MCPH1: variants seen among roughly 807,000 people sequenced by gnomAD.
MCPH1 encodes microcephalin 1.
In MCPH1, 104 loss-of-function variants were observed where a neutral mutation model predicts 84.5. The ratio of observed to expected loss-of-function variants is 1.23; its 90% CI spans 1.05 to 1.45. MCPH1 has a LOEUF of 1.45. Ranked by LOEUF, MCPH1 falls within the 40% of genes most tolerant of loss-of-function variation. MCPH1 has a pLI of 0.00. For missense variants in MCPH1, 1,498 were observed against 1,005.7 expected (o/e 1.49, Z -6.62); for synonymous variants, 514 against 366.8 (o/e 1.40, Z -4.58).
intron 12 of MCPH1, among the ~76,000 whole-genome samples, chr8:6,581,293 G>C (rs1486250951): frequency 6.6e-6 from 1 of 152,108 alleles, no homozygotes; most frequent in Non-Finnish European, 1.5e-5. Context: ...CATCACCAAG[G>C]TCTGATTTTT....
chr8:6,420,222 C>G (rs765337438), intron 3 of MCPH1, among the ~76,000 whole-genome samples: 1 of 152,152 alleles, frequency 6.6e-6, no homozygotes, highest in Non-Finnish European at 1.5e-5. Flanking sequence ...TGCTCCCATT[C>G]AGACCCCTTC....
rs1048732602 is a variant in MCPH1, at chr8:6,414,704, G to C, written c.115-61G>C. On this transcript the variant is annotated intron_variant, in intron 2 of 13. Coordinates refer to ENST00000344683, the MANE Select transcript of MCPH1 (RefSeq NM_024596.5). ...TGCTGGGGTAGAGGTTTTTTGATCA[G>C]TTGTAGTTAAGTTGTGAATGAACAG... The C allele has an allele frequency of 1.6e-5, 26 of 1,587,684 alleles. No individual in the cohort carries two copies. The South Asian group carries it at 2.5e-4, about 15-fold the overall frequency.
intron 4 of MCPH1, among the ~76,000 whole-genome samples, chr8:6,435,722 T>C (rs1011867042): frequency 6.6e-6 from 1 of 152,164 alleles, no homozygotes; most frequent in African/African-American, 2.4e-5. Context: ...TTGAACTAGA[T>C]TGGGCTGGTT....
intron 12 of MCPH1, among the ~76,000 whole-genome samples, chr8:6,503,784 G>C (rs972545590): frequency 3.3e-5 from 5 of 152,328 alleles, no homozygotes; most frequent in Admixed American, 1.3e-4. Flanking sequence ...GAAATTTAAA[G>C]TGAGAGTGTG....
rs2515426 is a variant in MCPH1 at position 6,515,897 on chromosome 8, C to A, written c.2214+15968C>A. Among the ~76,000 whole-genome samples the A allele has an allele frequency of 2.5e-3, 382 of 152,226 alleles. 2 individuals carry two copies. The highest frequency in any genetic ancestry group is 3.0e-3 in the Non-Finnish European group (205 of 68,004). ...GAGCGAAAAGAGAACCAAGAGAGTGCTATTCCTGTTCTTTCATTTCCTACA... is the reference window on the plus strand; with the variant it reads ...GAGCGAAAAGAGAACCAAGAGAGTGATATTCCTGTTCTTTCATTTCCTACA... On this transcript the variant is annotated intron_variant, in intron 12 of 13. Coordinates refer to ENST00000344683, the MANE Select transcript of MCPH1 (RefSeq NM_024596.5).
At chr8:6,476,701 G>A (rs1372456682) in intron 9 of MCPH1, among the ~76,000 whole-genome samples, 1 of 152,092 alleles carries the variant, frequency 6.6e-6, no homozygotes, top group Admixed American at 6.5e-5. Context: ...CGTCAACCCT[G>A]GGGTCCTTCA....
In MCPH1 at chr8:6,551,877, A is replaced by G. The variant is rs574877575; in HGVS notation, c.2214+51948A>G. On this transcript the variant is annotated intron_variant, in intron 12 of 13. Transcript: ENST00000344683. The stretch of plus-strand genomic sequence containing the variant: ...TACACCAACATTTCCCATTAAGACC[A>G]GTTTGTTTAGGGAATTTTTAAGCTA... 2.0e-5 allele frequency among the ~76,000 whole-genome samples: 3 copies of G among 152,212 alleles called. No homozygotes were observed. In the East Asian group the frequency reaches 5.8e-4, roughly 29 times the overall value.
chr8:6,512,294 G>T (rs1023651730), intron 12 of MCPH1, among the ~76,000 whole-genome samples: 1 of 152,136 alleles, frequency 6.6e-6, no homozygotes, highest in Non-Finnish European at 1.5e-5. Context: ...TCTCCGTGCT[G>T]CCCACCACAA....
intron 13 of MCPH1, among the ~76,000 whole-genome samples, chr8:6,638,566 G>C (rs1797717191): frequency 6.9e-6 from 1 of 145,784 alleles, no homozygotes; most frequent in South Asian, 2.2e-4. Context: ...GCTAAATACT[G>C]TTGCTTACAT....
intron 12 of MCPH1, among the ~76,000 whole-genome samples, chr8:6,541,859 T>C (rs1420703812): frequency 6.6e-6 from 1 of 151,954 alleles, no homozygotes; most frequent in Non-Finnish European, 1.5e-5. Context: ...TTTTTAAAAA[T>C]TAGCTGGACA....
Position 6,643,537 on chromosome 8 carries a change from T to G in MCPH1, c.*488T>G, listed in dbSNP as rs867309270. 2.8e-5 allele frequency: 5 copies of G among 179,902 alleles called. No homozygotes were observed. The highest frequency in any genetic ancestry group is 1.2e-4 in the African/African-American group (5 of 41,812). The allele number at this position is 179,902 out of a possible 1,614,324, so 11.1% of individuals were successfully genotyped here. On this transcript the variant is annotated 3_prime_UTR_variant, in exon 14 of 14. Transcript: ENST00000344683. ...GGCCTCTTCTATAGAATTCCAGTCTTTGTGTCTTAGTCATGATCATAATTG... is the reference window on the plus strand; with the variant it reads ...GGCCTCTTCTATAGAATTCCAGTCTGTGTGTCTTAGTCATGATCATAATTG...
intron 12 of MCPH1, among the ~76,000 whole-genome samples, chr8:6,557,593 C>T (rs557476947): frequency 6.6e-6 from 1 of 152,008 alleles, no homozygotes; most frequent in East Asian, 1.9e-4. Flanking sequence ...TAATTAGAGT[C>T]GACTGTATCA....
At position 6,439,057 on chromosome 8, in the gene MCPH1, C is replaced by G; in HGVS notation, c.541C>G (p.Gln181Glu). 6.2e-7 allele frequency: 1 copy of G among 1,613,376 alleles called. No individual in the cohort carries two copies. Among genetic ancestry groups the G allele is most frequent in the Non-Finnish European group, 8.5e-7 (1 of 1,179,742 alleles). ...RHHSAMEKRL[Q>E]EMKEKRENLS... ...CCACAGCGCAATGGAGAAGAGATTA[C>G]AAGAGATGAAGGAGAAAAGGGAAAA... The change falls in exon 6 of 14, where the codon CAA becomes GAA. Residue 181 changes from glutamine to glutamate, a missense_variant. Coordinates refer to ENST00000344683, the MANE Select transcript of MCPH1 (RefSeq NM_024596.5).
chr8:6,423,314 G>T lies in MCPH1; in HGVS notation c.234-8185G>T, dbSNP rs530345915. On this transcript the variant is annotated intron_variant, in intron 3 of 13. Transcript: ENST00000344683. ...TGAGTAGCTGGGACTACAGGCGCCC[G>T]CCACCACGCCTGGCTAATTTTTTTG... Among the ~76,000 whole-genome samples the T allele has an allele frequency of 7.4e-4, 108 of 145,844 alleles. 1 individual carries two copies. Among genetic ancestry groups the T allele is most frequent in the Admixed American group, 2.2e-3 (31 of 14,380 alleles).
At chr8:6,544,285 G>A (rs892992033) in intron 12 of MCPH1, among the ~76,000 whole-genome samples, 4 of 152,184 alleles carry the variant, frequency 2.6e-5, no homozygotes, top group Admixed American at 1.3e-4. Flanking sequence ...ACTTCTGTCT[G>A]TGGCCAGCAG....
At chr8:6,549,302 A>G (rs1823167827) in intron 12 of MCPH1, among the ~76,000 whole-genome samples, 1 of 152,278 alleles carries the variant, frequency 6.6e-6, no homozygotes. Context: ...TTTAACATGC[A>G]CAACAACATG....
At chr8:6,478,842 A>T (rs1430289150) in intron 10 of MCPH1, among the ~76,000 whole-genome samples, 1 of 152,212 alleles carries the variant, frequency 6.6e-6, no homozygotes, top group Admixed American at 6.5e-5. Context: ...TGAGGCCCAG[A>T]TCTTGACTCA....
intron 1 of MCPH1, among the ~76,000 whole-genome samples, chr8:6,408,637 A>G (rs1798082773): frequency 6.6e-6 from 1 of 151,544 alleles, no homozygotes; most frequent in Non-Finnish European, 1.5e-5. Flanking sequence ...GGCTCTAGGG[A>G]TTCTCCCACC....
At chr8:6,462,400 G>C (rs1412844542) in intron 9 of MCPH1, among the ~76,000 whole-genome samples, 3 of 152,188 alleles carry the variant, frequency 2.0e-5, no homozygotes, top group Non-Finnish European at 4.4e-5. Flanking sequence ...GAGTAAATAA[G>C]AGATGCATTA....
Sources: gnomAD v4.1 joint callset for allele counts (sites outside exome capture counted in the v4.1 genomes callset) on GRCh38, gnomAD v4.1.1 for gene constraint, MANE v1.5 for transcripts, NCBI Gene and HGNC (gene_info 2026-07-23, HGNC 2026-07-21) for gene names.